Variants in NLRP4 observed in about 807,000 individuals in gnomAD.
The protein encoded by NLRP4 is NACHT, LRR and PYD domains-containing protein 4.
In NLRP4, 44 loss-of-function variants were observed where a neutral mutation model predicts 84.7. The observed-to-expected ratio is 0.52, with a 90% CI of 0.41 to 0.67. NLRP4 has a LOEUF of 0.67. NLRP4 is among the 30% of genes least tolerant of loss of function. NLRP4 has a pLI of 0.00. For missense variants in NLRP4, 1,260 were observed against 1,219.4 expected, an observed-to-expected ratio of 1.03 and a Z score of -0.50; for synonymous variants, 544 against 476.4, an observed-to-expected ratio of 1.14 and a Z score of -1.85.
chr19:55,837,607 A>AACACACACCACACACACACACACACAC (rs1555805877), intron 1 of NLRP4, among the ~76,000 whole-genome samples: 4,346 of 151,490 alleles, frequency 0.029, 217 homozygotes, highest in East Asian at 0.19. Context: ...CAACCCTAAA[A>AACACACACCACACACACACACACACAC]ACACACACAC....
intron 6 of NLRP4, among the ~76,000 whole-genome samples, chr19:55,869,626 G>A (rs191700035): frequency 6.6e-6 from 1 of 152,234 alleles, no homozygotes; most frequent in East Asian, 1.9e-4. Context: ...CAATTTTACT[G>A]ATGGTTATAT....
chr19:55,851,836 T>G (rs978160271), intron 1 of NLRP4, among the ~76,000 whole-genome samples, 180 bp from the exon 2 acceptor site: 1 of 152,200 alleles, frequency 6.6e-6, no homozygotes, highest in African/African-American at 2.4e-5. Flanking sequence ...TTATTGTATC[T>G]CTGATTCCCC....
intron 6 of NLRP4, 104 bp downstream of exon 6, chr19:55,867,980 GT>G: frequency 1.0e-6 from 1 of 994,406 alleles, no homozygotes; most frequent in Non-Finnish European, 1.5e-6. Flanking sequence ...CATAGCGGAG[GT>G]TTAAAAGCTC....
rs1568659373 is a variant in NLRP4, at chr19:55,850,807, T to TCCCGAGGCTGCGGTGTAATG, written c.-65-1209_-65-1208insCCCGAGGCTGCGGTGTAATG. ...GTAATTCCCGAGGCTGCGGTGTAAT[T>TCCCGAGGCTGCGGTGTAATG]TCCGAGGCTGCGGTGTAATGTCCGA... On this transcript the variant is annotated intron_variant, in intron 1 of 9. Transcript: ENST00000301295. Among the ~76,000 whole-genome samples the TCCCGAGGCTGCGGTGTAATG allele has an allele frequency of 2.4e-3, 79 of 32,640 alleles. 8 individuals carry two copies. The highest frequency in any genetic ancestry group is 6.9e-3 in the East Asian group (8 of 1,164). The allele number at this position is 32,640 out of a possible 152,430, so 21.4% of individuals were successfully genotyped here. A position where few individuals can be genotyped will look rare whatever the true frequency, so the allele number is the denominator to read the frequency against.
At chr19:55,843,818 A>G (rs1264179087) in intron 1 of NLRP4, among the ~76,000 whole-genome samples, 2 of 152,110 alleles carry the variant, frequency 1.3e-5, no homozygotes, top group African/African-American at 2.4e-5. Context: ...ACCTAATAAA[A>G]CATACTACAT....
rs78554929 is a variant in NLRP4 at position 55,855,223 on chromosome 19, A to G, written c.281-2451A>G. On this transcript the variant is annotated intron_variant, in intron 2 of 9. Transcript: ENST00000301295. ...AGACCCTGTCTCAAAAAAGTAATTT[A>G]TATAAAGAAGAACATTCTTTGCACA... is the stretch of plus-strand genomic sequence containing the variant. Among the ~76,000 whole-genome samples the G allele has an allele frequency of 4.8e-4, 73 of 152,350 alleles. No individual in the cohort carries two copies. The East Asian group carries it at 0.011, about 22-fold the overall frequency.
At chr19:55,869,859 C>T (rs1008522571) in intron 6 of NLRP4, among the ~76,000 whole-genome samples, 4 of 151,824 alleles carry the variant, frequency 2.6e-5, no homozygotes, top group African/African-American at 9.7e-5. Context: ...GACGTCAAGG[C>T]AGGTGAATTG....
intron 2 of NLRP4, among the ~76,000 whole-genome samples, chr19:55,852,901 T>C (rs1223951231): frequency 1.3e-5 from 2 of 152,232 alleles, no homozygotes; most frequent in Non-Finnish European, 2.9e-5. Context: ...CAATGATTTT[T>C]ACCCTAAGCT....
At chr19:55,849,245 T>G (rs1457193106) in intron 1 of NLRP4, among the ~76,000 whole-genome samples, 1 of 152,156 alleles carries the variant, frequency 6.6e-6, no homozygotes. Flanking sequence ...TGGGTTTCTT[T>G]GGTTAGGAAG....
intron 1 of NLRP4, among the ~76,000 whole-genome samples, chr19:55,850,898 C>T (rs1376567947): frequency 3.8e-4 from 29 of 75,444 alleles, no homozygotes; most frequent in South Asian, 3.0e-3. Flanking sequence ...TCCGTGGCTG[C>T]GGTGTAATGT....
intron 6 of NLRP4, among the ~76,000 whole-genome samples, chr19:55,870,251 T>A (rs1555810389): frequency 2.6e-5 from 4 of 152,172 alleles, no homozygotes; most frequent in Non-Finnish European, 1.5e-5. Flanking sequence ...CATCATCAGA[T>A]GAAGAATTAG....
intron 1 of NLRP4, among the ~76,000 whole-genome samples, chr19:55,840,804 A>G (rs1983584777): frequency 6.6e-6 from 1 of 152,140 alleles, no homozygotes; most frequent in Non-Finnish European, 1.5e-5. Context: ...TAGATTTCTC[A>G]CCAATGTTTT....
intron 5 of NLRP4, among the ~76,000 whole-genome samples, chr19:55,864,189 T>G (rs1400570335): frequency 6.6e-6 from 1 of 152,150 alleles, no homozygotes; most frequent in Non-Finnish European, 1.5e-5. Flanking sequence ...TCTCATTACC[T>G]CAGAAAGAAA....
chr19:55,877,036 C>A lies in NLRP4; in HGVS notation c.2566C>A (p.Leu856Ile). 2 of 1,614,000 alleles carry A rather than the reference C, an allele frequency of 1.2e-6. No homozygotes were observed. Among genetic ancestry groups the A allele is most frequent in the Non-Finnish European group, 1.7e-6 (2 of 1,179,910 alleles). Residue 856 changes from leucine (L) to isoleucine (I), a missense_variant, in exon 8 of 10, where the codon CTC becomes ATC. Leu to Ile is a conservative substitution (Grantham distance 5, BLOSUM62 2). Around this residue, in one of 3 missense-constraint regions of NLRP4, gnomAD observed 544 missense variants for 531.7 expected, o/e 1.02. Transcript: ENST00000301295. ...TATCACTGCTGCTGGCTGTGAAGAC[C>A]TCGCCTCTGCTCTCATCAGCAATCA... The part of the protein sequence containing the change: ...CFITAAGCED[L>I]ASALISNQNL...
At chr19:55,872,385 C>G (rs1193068099) in intron 7 of NLRP4, among the ~76,000 whole-genome samples, 1 of 152,050 alleles carries the variant, frequency 6.6e-6, no homozygotes, top group Non-Finnish European at 1.5e-5. Context: ...TAAAATAACC[C>G]AACCCACAAG....
rs1171430177 is a variant in NLRP4 at position 55,867,727 on chromosome 19, C to T, written c.2205C>T (p.Leu735=). ...CCTGCAGGCTGGTAAATTGTCACCT[C>T]TCACCCATTGATTGTGAAGTCCTTG... ...VKELALVNCH[L]SPIDCEVLAG... The change falls in exon 6 of 10, where the codon CTC becomes CTT. Residue 735 remains leucine (L), a synonymous_variant. Coordinates refer to ENST00000301295, the MANE Select transcript of NLRP4 (RefSeq NM_134444.5). The T allele has an allele frequency of 1.2e-6, 2 of 1,613,990 alleles. No individual in the cohort carries two copies. The highest frequency in any genetic ancestry group is 1.3e-5 in the African/African-American group (1 of 75,040).
At chr19:55,866,025 T>G (rs1454944592) in intron 5 of NLRP4, among the ~76,000 whole-genome samples, 1 of 152,140 alleles carries the variant, frequency 6.6e-6, no homozygotes, top group Non-Finnish European at 1.5e-5. Flanking sequence ...CTTCTTTGTT[T>G]TCTTTTCTTT....
intron 5 of NLRP4, among the ~76,000 whole-genome samples, chr19:55,864,589 A>C (rs1476244950): frequency 4.6e-5 from 7 of 152,204 alleles, no homozygotes; most frequent in African/African-American, 1.7e-4. Flanking sequence ...TAGACTTGCT[A>C]GGTCATATAG....
chr19:55,858,875 A>C lies in NLRP4; in HGVS notation c.1482A>C (p.Ala494=), dbSNP rs776334078. The C allele has an allele frequency of 6.2e-7, 1 of 1,614,226 alleles. No homozygotes were observed. ...CCAATTTTGAAAAAGCAAGGAGAGC[A>C]CATTGGATTTTTTTGGGGTGTTTTC... ...LVANFEKARR[A]HWIFLGCFLT... is the part of the protein sequence containing the mutation. Residue 494 remains alanine (A), a synonymous_variant, in exon 3 of 10, where the codon GCA becomes GCC. Transcript: ENST00000301295. This position sits in a 1 kb window ranked among gnomAD's most constrained non-coding sequence, Gnocchi z 4.2.
Sources: allele counts gnomAD v4.1 joint callset (sites outside exome capture counted in the v4.1 genomes callset), GRCh38; gene constraint gnomAD v4.1.1; regional missense constraint gnomAD v4.1.1; non-coding constraint Gnocchi (gnomAD v3.1); transcripts MANE v1.5; gene names NCBI Gene and HGNC (gene_info 2026-07-23, HGNC 2026-07-21).